The following BPNT1 variants were observed in gnomAD, a reference collection of about 807,000 sequenced individuals.
BPNT1 encodes 3'(2'), 5'-bisphosphate nucleotidase 1.
Under a neutral mutation model 36.9 loss-of-function variants are expected in BPNT1, and 28 were observed. That is an observed-to-expected ratio of 0.76 (90% CI 0.56 to 1.04). The LOEUF is 1.04. Among genes scored for constraint, BPNT1 ranks in the 50% least tolerant of loss-of-function variants. The pLI, the probability that BPNT1 is intolerant of heterozygous loss-of-function variation, is 0.00. For synonymous variants in BPNT1, 119 were observed against 130.9 expected (o/e 0.91, Z 0.62); for missense variants, 313 against 372.9 (o/e 0.84, Z 1.32).
chr1:220,083,155 T>C (rs1416335526), intron 1 of BPNT1, among the ~76,000 whole-genome samples: 1 of 149,658 alleles, frequency 6.7e-6, no homozygotes, highest in Non-Finnish European at 1.5e-5. Flanking sequence ...GAGAATCACA[T>C]GAACCCAGGA....
chr1:220,068,141 T>C (rs1408376250), intron 5 of BPNT1, among the ~76,000 whole-genome samples: 1 of 152,210 alleles, frequency 6.6e-6, no homozygotes. Context: ...AGAAAATTTA[T>C]GTAGACCTTA....
chr1:220,072,966 G>A lies in BPNT1; in HGVS notation c.226-9C>T, dbSNP rs749858545. On this transcript the variant is annotated splice_polypyrimidine_tract_variant and intron_variant, in intron 3 of 8. Coordinates refer to ENST00000322067, the MANE Select transcript of BPNT1 (RefSeq NM_006085.6). ...TCCTCAGAAGGCAGATCCTAAAGCAGAGATAACCCTAATGGTTACTGAAGC... is the reference window on the plus strand; with the variant it reads ...TCCTCAGAAGGCAGATCCTAAAGCAAAGATAACCCTAATGGTTACTGAAGC... 3 of 1,606,796 alleles carry A rather than the reference G, an allele frequency of 1.9e-6. No individual in the cohort carries two copies. The African/African-American group carries it at 4.0e-5, about 21-fold the overall frequency.
At position 220,059,009 on chromosome 1, in the gene BPNT1, A is replaced by C; in HGVS notation, c.779-17T>G. 6.2e-7 allele frequency: 1 copy of C among 1,612,170 alleles called. No individual in the cohort carries two copies. Among genetic ancestry groups the C allele is most frequent in the Non-Finnish European group, 8.5e-7 (1 of 1,178,882 alleles). On this transcript the variant is annotated splice_polypyrimidine_tract_variant and intron_variant, in intron 8 of 8. Transcript: ENST00000322067. ...TTAACTTGCCTATAGAAAAACATCA[A>C]TCAATCAATCAAGTTAGTGGCTAAT...
chr1:220,089,390 T>C (rs565809815), intron 1 of BPNT1, among the ~76,000 whole-genome samples: 1 of 152,232 alleles, frequency 6.6e-6, no homozygotes, highest in Non-Finnish European at 1.5e-5. Context: ...GAATATTTGC[T>C]GTTTAAAGAA....
chr1:220,064,528 A>G (rs1404586741), intron 6 of BPNT1, among the ~76,000 whole-genome samples: 2 of 152,186 alleles, frequency 1.3e-5, no homozygotes, highest in Admixed American at 6.5e-5. Flanking sequence ...TGGAGCTACA[A>G]TAGCCTTTCA....
In BPNT1 at chr1:220,058,599, T is replaced by G; in HGVS notation, c.*245A>C. On this transcript the variant is annotated 3_prime_UTR_variant, in exon 9 of 9. Coordinates refer to ENST00000322067, the MANE Select transcript of BPNT1 (RefSeq NM_006085.6). ...CAGGCTGGAGTGCAGTGGCACGATC[T>G]CAGCTCACTGCAACCTCTGCCTTCC... 1.2e-6 allele frequency: 1 copy of G among 850,478 alleles called. No individual in the cohort carries two copies. Among genetic ancestry groups the G allele is most frequent in the Non-Finnish European group, 1.5e-6 (1 of 650,648 alleles). The allele number at this position is 850,478 out of a possible 1,614,324, so 52.7% of individuals were successfully genotyped here.
At position 220,062,856 on chromosome 1, in the gene BPNT1, A is replaced by G; in HGVS notation, c.573T>C (p.Ile191=). 1 of 1,614,144 alleles carries G rather than the reference A, an allele frequency of 6.2e-7. No homozygotes were observed. Among genetic ancestry groups the G allele is most frequent in the Non-Finnish European group, 8.5e-7 (1 of 1,180,016 alleles). The change falls in exon 7 of 9, where the codon ATT becomes ATC. Residue 191 remains isoleucine (I), a synonymous_variant. Coordinates refer to ENST00000322067, the MANE Select transcript of BPNT1 (RefSeq NM_006085.6). ...QLKEVPAGKH[I]ITTTRSHSNK... ...TGCTATGGGATCGAGTAGTTGTGAT[A>G]ATGTGTTTCCCAGCAGGGACTTCTT...
chr1:220,065,762 A>C (rs538156646), intron 6 of BPNT1, among the ~76,000 whole-genome samples: 2 of 152,320 alleles, frequency 1.3e-5, no homozygotes, highest in South Asian at 4.1e-4. Context: ...ACTCTTAATA[A>C]ATTTTAGCTA....
intron 1 of BPNT1, among the ~76,000 whole-genome samples, chr1:220,088,012 G>A (rs1005084779): frequency 7.2e-5 from 11 of 151,882 alleles, no homozygotes; most frequent in Non-Finnish European, 1.6e-4. Context: ...CGAGTAGCTG[G>A]GATTACAGGC....
At chr1:220,064,670 AGAG>A (rs1185198542) in intron 6 of BPNT1, among the ~76,000 whole-genome samples, 1 of 152,156 alleles carries the variant, frequency 6.6e-6, no homozygotes, top group Non-Finnish European at 1.5e-5. Context: ...CAATCCCAGA[AGAG>A]TCTGATGGCA....
intron 1 of BPNT1, among the ~76,000 whole-genome samples, chr1:220,080,746 C>G (rs1665030019): frequency 1.3e-5 from 2 of 152,176 alleles, no homozygotes; most frequent in Non-Finnish European, 2.9e-5. Flanking sequence ...AACAAAGCCT[C>G]ACCACATCAG....
intron 2 of BPNT1, among the ~76,000 whole-genome samples, chr1:220,077,276 C>T (rs1205628186): frequency 1.3e-5 from 2 of 151,980 alleles, no homozygotes; most frequent in East Asian, 1.9e-4. Flanking sequence ...TAGAAAATGA[C>T]AGACTATAAA....
At chr1:220,075,305 G>A (rs1051419747) in intron 2 of BPNT1, among the ~76,000 whole-genome samples, 4 of 152,148 alleles carry the variant, frequency 2.6e-5, no homozygotes, top group African/African-American at 7.2e-5. Context: ...GGCTCCCAAA[G>A]TGCTGGGATT....
chr1:220,088,364 C>G (rs1478915425), intron 1 of BPNT1, among the ~76,000 whole-genome samples: 2 of 146,594 alleles, frequency 1.4e-5, no homozygotes, highest in African/African-American at 5.0e-5. Context: ...CATAGTAATA[C>G]AAAAATTACT....
rs1663586813 is a variant in BPNT1, at chr1:220,066,946, A to G, written c.474+356T>C. 3 of 152,404 alleles carry G rather than the reference A, an allele frequency of 2.0e-5. No homozygotes were observed. The South Asian group carries it at 6.2e-4, about 32-fold the overall frequency. The allele number at this position is 152,404 out of a possible 1,614,324, so 9.4% of individuals were successfully genotyped here. ...CCTATCAGTAATTCTCTCAACATTT[A>G]TATTTGAATCATAAGGAATAAATTA... On this transcript the variant is annotated intron_variant, in intron 6 of 8. Coordinates refer to ENST00000322067, the MANE Select transcript of BPNT1 (RefSeq NM_006085.6).
chr1:220,077,019 T>C (rs1301043926), intron 2 of BPNT1, among the ~76,000 whole-genome samples: 1 of 152,220 alleles, frequency 6.6e-6, no homozygotes, highest in African/African-American at 2.4e-5. Context: ...CTATATCATC[T>C]TCCACTTCAG....
At chr1:220,086,539 G>T (rs140738220) in intron 1 of BPNT1, among the ~76,000 whole-genome samples, 1 of 151,794 alleles carries the variant, frequency 6.6e-6, no homozygotes, top group East Asian at 2.0e-4. Context: ...CTCCCAAGGT[G>T]CTGGGATTAC....
intron 3 of BPNT1, 151 bp downstream of exon 3, chr1:220,073,816 C>A (rs1024570021): frequency 2.7e-6 from 2 of 738,780 alleles, no homozygotes; most frequent in Non-Finnish European, 4.4e-6. Context: ...ATATTTTCCC[C>A]AAGTCCAAGG....
Position 220,083,329 on chromosome 1 carries a change from TC to T in BPNT1, c.-8-3476del, listed in dbSNP as rs200224018. Among the ~76,000 whole-genome samples the T allele has an allele frequency of 2.0e-3, 308 of 150,620 alleles. 2 individuals carry two copies. The highest frequency in any genetic ancestry group is 6.5e-3 in the African/African-American group (269 of 41,144). On this transcript the variant is annotated intron_variant, in intron 1 of 8. Transcript: ENST00000322067. The stretch of plus-strand genomic sequence containing the variant: ...TTAAGATGAAAATTAAACGGGTTTC[TC>T]TTTTTTTTTTTTGAGATGGAGTCTC...
Sources: allele counts gnomAD v4.1 joint callset (sites outside exome capture counted in the v4.1 genomes callset), GRCh38; gene constraint gnomAD v4.1.1; transcripts MANE v1.5; gene names NCBI Gene and HGNC (gene_info 2026-07-23, HGNC 2026-07-21).